Variants in CENPS observed in about 807,000 individuals in gnomAD.
CENPS encodes centromere protein S, also known as FANCM associated histone fold protein 1.
A neutral mutation model predicts 17.9 loss-of-function variants in CENPS; 16 were observed. That is an observed-to-expected ratio of 0.90 (90% CI 0.61 to 1.36). The LOEUF is 1.36. Among genes scored for constraint, CENPS ranks in the 40% most tolerant of loss-of-function variants. The pLI, the probability that CENPS is intolerant of heterozygous loss-of-function variation, is 0.00. For synonymous variants in CENPS, 49 were observed against 55.8 expected (o/e 0.88, Z 0.54); for missense variants, 160 against 158.6 (o/e 1.01, Z -0.05).
At chr1:10,441,970 G>A (rs1640434749) in intron 4 of CENPS, among the ~76,000 whole-genome samples, 1 of 152,034 alleles carries the variant, frequency 6.6e-6, no homozygotes, top group Non-Finnish European at 1.5e-5. Flanking sequence ...TAGGTGTAGT[G>A]GCTCATGCCA....
At chr1:10,431,419 GC>G (rs1402257306) in intron 1 of CENPS, 1 of 1,535,060 alleles carries the variant, frequency 6.5e-7, no homozygotes, top group Admixed American at 2.0e-5. Flanking sequence ...ATGCCCAGAT[GC>G]CCGTCACCTT....
chr1:10,433,972 A>G lies in CENPS; in HGVS notation c.175+7A>G. 6.2e-7 allele frequency: 1 copy of G among 1,614,078 alleles called. No homozygotes were observed. Among genetic ancestry groups the G allele is most frequent in the Non-Finnish European group, 8.5e-7 (1 of 1,179,982 alleles). ...CTGACTTTCCGACAGTGTGGTATGA[A>G]GCTTCGGCCTCCCCAGCCATGTCTG... On this transcript the variant is annotated splice_region_variant and intron_variant, in intron 2 of 4. Transcript: ENST00000309048.
chr1:10,439,454 G>T lies in CENPS; in HGVS notation c.210-893G>T, dbSNP rs146152580. 3.7e-3 allele frequency among the ~76,000 whole-genome samples: 558 copies of T among 152,194 alleles called. 6 individuals carry two copies. Among genetic ancestry groups the T allele is most frequent in the Non-Finnish European group, 4.2e-3 (286 of 68,008 alleles). On this transcript the variant is annotated intron_variant, in intron 3 of 4. Coordinates refer to ENST00000309048, the MANE Select transcript of CENPS (RefSeq NM_199294.3). ...GCAAGAAGCAGACTCCAGTTTAAAG[G>T]GTGTTCTTTGTGGCTGGGCTTGGTG...
At chr1:10,435,331 T>C (rs553696190) in intron 3 of CENPS, among the ~76,000 whole-genome samples, 1 of 152,294 alleles carries the variant, frequency 6.6e-6, no homozygotes, top group Admixed American at 6.5e-5. Context: ...GAAAGTGTTC[T>C]AATTTGCTGC....
At chr1:10,433,061 C>T (rs1164547571) in intron 1 of CENPS, among the ~76,000 whole-genome samples, 1 of 152,136 alleles carries the variant, frequency 6.6e-6, no homozygotes, top group Non-Finnish European at 1.5e-5. Flanking sequence ...ATTTTATGCC[C>T]TTGTGGGTTC....
intron 1 of CENPS, among the ~76,000 whole-genome samples, chr1:10,433,527 T>C (rs934779388): frequency 6.6e-6 from 1 of 152,196 alleles, no homozygotes; most frequent in Non-Finnish European, 1.5e-5. Flanking sequence ...CTGCAGATAG[T>C]TTGGAATAAG....
chr1:10,436,912 A>G (rs1039222882), intron 3 of CENPS, among the ~76,000 whole-genome samples: 1 of 152,120 alleles, frequency 6.6e-6, no homozygotes, highest in African/African-American at 2.4e-5. Context: ...GTTTGCTTTC[A>G]TACAAAAAAG....
chr1:10,439,742 A>G (rs1432978860), intron 3 of CENPS, among the ~76,000 whole-genome samples: 2 of 149,968 alleles, frequency 1.3e-5, no homozygotes, highest in Non-Finnish European at 3.0e-5. Context: ...CTCTGTCTCA[A>G]AAAAAAAAAG....
chr1:10,432,557 A>G (rs1639968750), intron 1 of CENPS, among the ~76,000 whole-genome samples: 1 of 152,144 alleles, frequency 6.6e-6, no homozygotes, highest in South Asian at 2.1e-4. Context: ...GCAGTGAACA[A>G]AATTGACAGG....
intron 1 of CENPS, chr1:10,431,095 C>T: frequency 1.4e-6 from 2 of 1,399,634 alleles, no homozygotes; most frequent in Non-Finnish European, 1.9e-6. Flanking sequence ...TCGACTCGGC[C>T]CAGACGCAAT....
At position 10,433,838 on chromosome 1, in the gene CENPS, C is replaced by T. The variant is rs768793339; in HGVS notation, c.52-4C>T. The T allele has an allele frequency of 2.5e-6, 4 of 1,613,742 alleles. No homozygotes were observed. The highest frequency in any genetic ancestry group is 2.2e-5 in the East Asian group (1 of 44,892). ...CCGTGAAATATTTTGATGTTTTTCC[C>T]CAGAGGCTAAAGGCAGCAGTTCACT... On this transcript the variant is annotated splice_polypyrimidine_tract_variant and splice_region_variant and intron_variant, in intron 1 of 4. Coordinates refer to ENST00000309048, the MANE Select transcript of CENPS (RefSeq NM_199294.3).
At position 10,442,533 on chromosome 1, in the gene CENPS, G is replaced by C; in HGVS notation, c.*128G>C. On this transcript the variant is annotated 3_prime_UTR_variant, in exon 5 of 5. Coordinates refer to ENST00000309048, the MANE Select transcript of CENPS (RefSeq NM_199294.3). Reference sequence around the variant, plus strand: ...AAATAAAATAAAAAGGCTGGGCTAGGGTGCTTTTTGTGCTGAATTCTCCAC... The same window carrying C: ...AAATAAAATAAAAAGGCTGGGCTAGCGTGCTTTTTGTGCTGAATTCTCCAC... 2 of 1,322,692 alleles carry C rather than the reference G, an allele frequency of 1.5e-6. No individual in the cohort carries two copies. 81.9% of individuals were successfully genotyped at this position (1,322,692 alleles called of 1,614,324 possible).
Position 10,442,422 on chromosome 1 carries a change from G to A in CENPS, c.*17G>A. 6.4e-7 allele frequency: 1 copy of A among 1,561,364 alleles called. No individual in the cohort carries two copies. On this transcript the variant is annotated 3_prime_UTR_variant, in exon 5 of 5. Transcript: ENST00000309048. ...GAGAATTAAAGTCCCTCGCCGCTTG[G>A]AAAGTGCAGCCTTCTACAGGTAGAG...
intron 1 of CENPS, chr1:10,431,179 A>T: frequency 6.8e-7 from 1 of 1,475,480 alleles, no homozygotes; most frequent in Non-Finnish European, 8.9e-7. Flanking sequence ...CGTTCCTTTC[A>T]TCAGCGCCGG....
Position 10,440,374 on chromosome 1 carries a change from T to C in CENPS, c.237T>C (p.Thr79=), listed in dbSNP as rs1456402769. 2.5e-6 allele frequency: 4 copies of C among 1,613,892 alleles called. No individual in the cohort carries two copies. Among genetic ancestry groups the C allele is most frequent in the Non-Finnish European group, 3.4e-6 (4 of 1,179,986 alleles). Residue 79 remains threonine (T), a synonymous_variant, in exon 4 of 5, where the codon ACT becomes ACC. Transcript: ENST00000309048. ...ATGCGAAAAGAACCACAATTAACAC[T>C]GAAGATGTGAAGCTCTTAGCCAGGA... ...ARHAKRTTIN[T]EDVKLLARRS...
chr1:10,431,206 A>G lies in CENPS; in HGVS notation c.51+638A>G, dbSNP rs933375175. The G allele has an allele frequency of 1.9e-5, 29 of 1,511,714 alleles. No individual in the cohort carries two copies. The African/African-American group carries it at 3.5e-4, about 18-fold the overall frequency. 93.6% of individuals were successfully genotyped at this position (1,511,714 alleles called of 1,614,324 possible). ...CAGCGCCGGGCATATGGGGCGTCAG[A>G]GGCTGAGAACGTTGCCGTGAAGAGG... On this transcript the variant is annotated intron_variant, in intron 1 of 4. Transcript: ENST00000309048.
At chr1:10,435,716 T>TACACACACAC (rs60607643) in intron 3 of CENPS, among the ~76,000 whole-genome samples, 1 of 142,570 alleles carries the variant, frequency 7.0e-6, no homozygotes, top group African/African-American at 2.6e-5. Context: ...TATATATATA[T>TACACACACAC]ACACACACAC....
intron 1 of CENPS, among the ~76,000 whole-genome samples, chr1:10,433,330 C>T (rs184759574): frequency 8.5e-5 from 13 of 152,274 alleles, no homozygotes; most frequent in African/African-American, 1.7e-4. Flanking sequence ...GTGGGTGTGC[C>T]CTCTTGAGCC....
At chr1:10,430,708 T>A in intron 1 of CENPS, 140 bp downstream of exon 1, 5 of 364,660 alleles carry the variant, frequency 1.4e-5, no homozygotes, top group Non-Finnish European at 1.7e-5. Context: ...TGCGTTGGCT[T>A]AACTGCCGCG....
Sources: gnomAD v4.1 joint callset for allele counts (sites outside exome capture counted in the v4.1 genomes callset) on GRCh38, gnomAD v4.1.1 for gene constraint, MANE v1.5 for transcripts, NCBI Gene and HGNC (gene_info 2026-07-23, HGNC 2026-07-21) for gene names.